The following DACH2 variants were observed in gnomAD, a reference collection of about 807,000 sequenced individuals.
DACH2 encodes the protein dachshund homolog 2.
Under a neutral mutation model 35.8 loss-of-function variants are expected in DACH2, and 17 were observed. The observed-to-expected ratio is 0.48, with a 90% CI of 0.33 to 0.71. The LOEUF (loss-of-function observed/expected upper bound fraction) is 0.71. Ranked by LOEUF, DACH2 falls within the 30% of genes least tolerant of loss-of-function variation. DACH2 has a pLI of 0.02. For missense variants in DACH2, 469 were observed against 472.7 expected, an observed-to-expected ratio of 0.99 and a Z score of 0.07; for synonymous variants, 195 against 177.3, an observed-to-expected ratio of 1.10 and a Z score of -0.79.
intron 3 of DACH2, 98 bp downstream of exon 3, chrX:86,514,489 T>G: frequency 7.3e-6 from 6 of 817,298 alleles, no homozygotes; most frequent in African/African-American, 2.0e-5. Flanking sequence ...TTCAGAGCTT[T>G]TCAAGCTCTA....
intron 3 of DACH2, among the ~76,000 whole-genome samples, chrX:86,551,944 G>A (rs1248292580): frequency 9.0e-6 from 1 of 111,103 alleles, no homozygotes; most frequent in African/African-American, 3.3e-5. Context: ...TTATACCTAG[G>A]GTGATTTATT....
At chrX:86,427,417 T>C (rs960526151) in intron 2 of DACH2, among the ~76,000 whole-genome samples, 3 of 111,510 alleles carry the variant, frequency 2.7e-5, no homozygotes, top group East Asian at 2.8e-4. Flanking sequence ...TTCTTATCAG[T>C]GATTTATTTC....
chrX:86,432,174 A>C (rs1050572879), intron 2 of DACH2, among the ~76,000 whole-genome samples: 1 of 112,566 alleles, frequency 8.9e-6, no homozygotes, highest in Admixed American at 9.4e-5. Flanking sequence ...AAGTCAGCTT[A>C]AATGTTGAAT....
chrX:86,404,096 C>T (rs781617593), intron 2 of DACH2, among the ~76,000 whole-genome samples: 22 of 110,728 alleles, frequency 2.0e-4, no homozygotes, highest in South Asian at 1.6e-3. Flanking sequence ...TTTCACAACA[C>T]GTTGGGATTA....
At chrX:86,526,328 G>T (rs1386522050) in intron 3 of DACH2, among the ~76,000 whole-genome samples, 1 of 111,500 alleles carries the variant, frequency 9.0e-6, no homozygotes, top group East Asian at 2.8e-4. Flanking sequence ...GTAACAAAAT[G>T]TATCCTTGGC....
At chrX:86,455,692 C>T in intron 2 of DACH2, among the ~76,000 whole-genome samples, 2 of 112,491 alleles carry the variant, frequency 1.8e-5, no homozygotes, top group South Asian at 7.4e-4. Context: ...ACCCCTTTCC[C>T]TGGGAACTTG....
At chrX:86,452,250 G>A (rs774844898) in intron 2 of DACH2, among the ~76,000 whole-genome samples, 95 of 111,582 alleles carry the variant, frequency 8.5e-4, no homozygotes, top group Non-Finnish European at 1.3e-3. Flanking sequence ...AAGAATTTTT[G>A]CATCAATGTT....
intron 1 of DACH2, among the ~76,000 whole-genome samples, chrX:86,355,748 T>C (rs1329068839): frequency 3.6e-5 from 4 of 111,536 alleles, no homozygotes; most frequent in Non-Finnish European, 5.6e-5. Context: ...TGGTATCTCA[T>C]TGTGGTTTTG....
chrX:86,477,367 T>C (rs1422141643), intron 2 of DACH2, among the ~76,000 whole-genome samples: 1 of 100,420 alleles, frequency 1.0e-5, no homozygotes, highest in Non-Finnish European at 2.0e-5. Flanking sequence ...TATATATATA[T>C]ATAATTGTTA....
At chrX:86,369,103 C>T (rs919359484) in intron 1 of DACH2, among the ~76,000 whole-genome samples, 1 of 110,508 alleles carries the variant, frequency 9.0e-6, no homozygotes, top group African/African-American at 3.3e-5. Flanking sequence ...AGAGAAAATG[C>T]TCTGTTAACT....
At chrX:86,522,588 T>C (rs1299974745) in intron 3 of DACH2, among the ~76,000 whole-genome samples, 1 of 111,417 alleles carries the variant, frequency 9.0e-6, no homozygotes, top group Non-Finnish European at 1.9e-5. Context: ...AAAATAGCAT[T>C]CATTTTGTGA....
intron 1 of DACH2, among the ~76,000 whole-genome samples, chrX:86,189,997 C>A (rs1214811980): frequency 9.1e-6 from 1 of 109,327 alleles, no homozygotes; most frequent in Non-Finnish European, 1.9e-5. Flanking sequence ...AACCCCGTCT[C>A]TACTAAAAAT....
At chrX:86,289,856 A>T (rs2034238998) in intron 1 of DACH2, among the ~76,000 whole-genome samples, 1 of 108,986 alleles carries the variant, frequency 9.2e-6, no homozygotes, top group Non-Finnish European at 1.9e-5. Flanking sequence ...AGTCTTTGTT[A>T]TTGTGAATAA....
rs1014881586 is a variant in DACH2, at chrX:86,182,740, G to A, written c.488+33632G>A. Among the ~76,000 whole-genome samples, 9 of 111,517 alleles carry A rather than the reference G, an allele frequency of 8.1e-5. No individual in the cohort carries two copies. In the Admixed American group the frequency reaches 8.6e-4, roughly 11 times the overall value. On this transcript the variant is annotated intron_variant, in intron 1 of 11. Coordinates refer to ENST00000373125, the MANE Select transcript of DACH2 (RefSeq NM_053281.3). ...AAGTCATTGGTAGCTTGATGGGGTA[G>A]CATTGAATCTATAAATTACTTTGGT...
At chrX:86,160,620 G>T (rs2030719375) in intron 1 of DACH2, 2 of 497,581 alleles carry the variant, frequency 4.0e-6, no homozygotes, top group Non-Finnish European at 7.3e-6. Context: ...GCTTTCATTG[G>T]TGGGCCATTT....
At chrX:86,800,669 CTTTG>C (rs774683430) in intron 7 of DACH2, among the ~76,000 whole-genome samples, 36 of 110,808 alleles carry the variant, frequency 3.2e-4, no homozygotes, top group Non-Finnish European at 5.5e-4. Context: ...TTGTTTGTTT[CTTTG>C]TTTGTTTGTT....
chrX:86,279,519 C>A (rs970309879), intron 1 of DACH2, among the ~76,000 whole-genome samples: 1 of 111,182 alleles, frequency 9.0e-6, no homozygotes. Flanking sequence ...ACAGAAACCC[C>A]AACATCAAAG....
intron 4 of DACH2, among the ~76,000 whole-genome samples, chrX:86,682,810 CT>C (rs1385211844): frequency 9.0e-6 from 1 of 111,581 alleles, no homozygotes; most frequent in Admixed American, 9.6e-5. Context: ...ATTTATTTTA[CT>C]TCTACTCCAT....
intron 7 of DACH2, among the ~76,000 whole-genome samples, chrX:86,774,655 C>G (rs2042014873): frequency 8.9e-6 from 1 of 111,950 alleles, no homozygotes; most frequent in Non-Finnish European, 1.9e-5. Context: ...GGATCCTTTA[C>G]ATAGTGCTTT....
Sources: gnomAD v4.1 joint callset for allele counts (sites outside exome capture counted in the v4.1 genomes callset) on GRCh38, gnomAD v4.1.1 for gene constraint, MANE v1.5 for transcripts, NCBI Gene and HGNC (gene_info 2026-07-23, HGNC 2026-07-21) for gene names.